Variants in IZUMO2 observed in about 807,000 individuals in gnomAD.
IZUMO2 encodes IZUMO family member 2.
Under a neutral mutation model 31.2 loss-of-function variants are expected in IZUMO2, and 24 were observed. The ratio of observed to expected loss-of-function variants is 0.77; its 90% CI spans 0.56 to 1.08. The LOEUF is 1.08. Ranked by LOEUF, IZUMO2 falls within the 50% of genes least tolerant of loss-of-function variation. IZUMO2 has a pLI of 0.00. For missense variants in IZUMO2, 278 were observed against 274.0 expected (o/e 1.01, Z -0.10); for synonymous variants, 144 against 117.3 (o/e 1.23, Z -1.47).
At chr19:50,162,896 C>A in intron 1 of IZUMO2, 67 bp downstream of exon 1, 2 of 1,605,974 alleles carry the variant, frequency 1.2e-6, no homozygotes, top group Non-Finnish European at 1.7e-6. Flanking sequence ...GGCCCCGACC[C>A]CTCTTGGGGG....
In IZUMO2 at chr19:50,158,373, A is replaced by C. The variant is rs1207965954; in HGVS notation, c.416-25T>G. The C allele has an allele frequency of 2.7e-6, 4 of 1,502,600 alleles. 1 individual carries two copies. The highest frequency in any genetic ancestry group is 3.7e-6 in the Non-Finnish European group (4 of 1,082,252). 93.1% of individuals were successfully genotyped at this position (1,502,600 alleles called of 1,614,324 possible). A position where few individuals can be genotyped will look rare whatever the true frequency, so the allele number is the denominator to read the frequency against. ...CCTAGGCAAGGGGAAAGGGAGAAGT[A>C]AGACAAGGGCAGATATCAGAGGACC... On this transcript the variant is annotated intron_variant, in intron 4 of 6. Transcript: ENST00000293405.
intron 5 of IZUMO2, among the ~76,000 whole-genome samples, chr19:50,157,337 TTGTC>T (rs2030245585): frequency 6.6e-6 from 1 of 150,602 alleles, no homozygotes. Flanking sequence ...GAGTCTCGCA[TTGTC>T]ACCCAAGCTG....
At chr19:50,158,810 G>T (rs545076101) in intron 4 of IZUMO2, among the ~76,000 whole-genome samples, 1 of 152,222 alleles carries the variant, frequency 6.6e-6, no homozygotes, top group Admixed American at 6.5e-5. Flanking sequence ...GTCCCTTCCA[G>T]GCTTGGCTAT....
At chr19:50,157,571 G>A (rs1328189304) in intron 5 of IZUMO2, among the ~76,000 whole-genome samples, 1 of 150,034 alleles carries the variant, frequency 6.7e-6, no homozygotes, top group Non-Finnish European at 1.5e-5. Context: ...CAAAGTGCTG[G>A]GATTACAGGC....
rs770021038 is a variant in IZUMO2, at chr19:50,159,630, A to G, written c.308-50T>C. On this transcript the variant is annotated intron_variant, in intron 2 of 6. Coordinates refer to ENST00000293405, the MANE Select transcript of IZUMO2 (RefSeq NM_152358.3). ...GGGGTGGGAGGCACCCAGAAAGCCC[A>G]CCCCACTACCTGAAGCTTCCAGGAG... 8 of 1,069,376 alleles carry G rather than the reference A, an allele frequency of 7.5e-6. No homozygotes were observed. The Middle Eastern group carries it at 7.3e-4, about 97-fold the overall frequency. 66.2% of individuals were successfully genotyped at this position (1,069,376 alleles called of 1,614,324 possible).
chr19:50,157,502 C>G (rs2030250958), intron 5 of IZUMO2, among the ~76,000 whole-genome samples: 1 of 151,172 alleles, frequency 6.6e-6, no homozygotes, highest in Non-Finnish European at 1.5e-5. Flanking sequence ...CGGGGTTTCA[C>G]TATGTTGGCC....
intron 6 of IZUMO2, among the ~76,000 whole-genome samples, chr19:50,152,987 C>A (rs1381022516): frequency 6.6e-6 from 1 of 152,120 alleles, no homozygotes; most frequent in Non-Finnish European, 1.5e-5. Context: ...GCGTGTCCCC[C>A]ACCCCAAAGA....
At position 50,154,467 on chromosome 19, in the gene IZUMO2, A is replaced by G; in HGVS notation, c.623+133T>C. ...AGAGGGAGGAGAGAGACAGAGAGAA[A>G]AAGAGAGACAGAGACTAAAGTGACT... On this transcript the variant is annotated intron_variant, in intron 6 of 6. Coordinates refer to ENST00000293405, the MANE Select transcript of IZUMO2 (RefSeq NM_152358.3). 12 of 781,278 alleles carry G rather than the reference A, an allele frequency of 1.5e-5. No homozygotes were observed. The South Asian group carries it at 2.2e-4, about 14-fold the overall frequency. The allele number at this position is 781,278 out of a possible 1,614,324, so 48.4% of individuals were successfully genotyped here.
chr19:50,161,559 C>T (rs1484377163), intron 2 of IZUMO2, among the ~76,000 whole-genome samples: 1 of 152,212 alleles, frequency 6.6e-6, no homozygotes, highest in Non-Finnish European at 1.5e-5. Flanking sequence ...ATGTCGCCGT[C>T]TCACTCCACT....
intron 2 of IZUMO2, among the ~76,000 whole-genome samples, chr19:50,161,172 T>C (rs1224125589): frequency 2.0e-5 from 3 of 151,072 alleles, no homozygotes; most frequent in Admixed American, 2.0e-4. Context: ...TTGCCCAGGC[T>C]GGAGTGCAAT....
intron 3 of IZUMO2, 118 bp from the exon 4 acceptor site, chr19:50,159,368 G>A: frequency 7.8e-7 from 1 of 1,279,844 alleles, no homozygotes; most frequent in Non-Finnish European, 1.1e-6. Context: ...AGGGAAGATT[G>A]GGGAGAGATG....
chr19:50,159,530 C>T lies in IZUMO2; in HGVS notation c.358G>A (p.Glu120Lys), dbSNP rs761925935. ...LVTLRANVIKEFKKVLISYEL... is the reference protein window; with the variant it reads ...LVTLRANVIKKFKKVLISYEL... ...TATGAAATTAAAACTTTCTTGAATTCCTTGATCACATTCGCCCTGAGGGTC... is the reference window on the plus strand; with the variant it reads ...TATGAAATTAAAACTTTCTTGAATTTCTTGATCACATTCGCCCTGAGGGTC... Residue 120 changes from glutamate to lysine, a missense_variant, in exon 3 of 7, where the codon GAA (glutamate) becomes AAA (lysine). Physicochemically the swap from Glu to Lys is moderately conservative, Grantham distance 56 (BLOSUM62 1). Transcript: ENST00000293405. 7 of 1,613,170 alleles carry T rather than the reference C, an allele frequency of 4.3e-6. No individual in the cohort carries two copies. In the African/African-American group the frequency reaches 6.7e-5, roughly 15 times the overall value.
intron 4 of IZUMO2, 122 bp downstream of exon 4, chr19:50,159,108 T>G (rs2030308834): frequency 1.1e-6 from 1 of 925,662 alleles, no homozygotes; most frequent in Admixed American, 2.0e-5. Flanking sequence ...CTAGGTACCA[T>G]GGCTTTGGGG....
At chr19:50,154,264 GTTTTTT>G (rs71180675) in intron 6 of IZUMO2, among the ~76,000 whole-genome samples, 6 of 79,282 alleles carry the variant, frequency 7.6e-5, no homozygotes, top group Admixed American at 1.7e-4. Flanking sequence ...AACTTTTAGC[GTTTTTT>G]TTTTTTTTTT....
chr19:50,162,891 C>G, intron 1 of IZUMO2, 72 bp downstream of exon 1: 1 of 1,605,112 alleles, frequency 6.2e-7, no homozygotes, highest in Non-Finnish European at 8.5e-7. Context: ...GGCCTGGCCC[C>G]GACCCCTCTT....
At position 50,155,379 on chromosome 19, in the gene IZUMO2, C is replaced by T. The variant is rs995626258; in HGVS notation, c.497-653G>A. On this transcript the variant is annotated intron_variant, in intron 5 of 6. Coordinates refer to ENST00000293405, the MANE Select transcript of IZUMO2 (RefSeq NM_152358.3). ...TGCCACTGCACCCCAGCCTGGGGGA[C>T]GGAGCAAGACCCTGTCTCAGAAAAC... Among the ~76,000 whole-genome samples the T allele has an allele frequency of 5.3e-5, 8 of 152,130 alleles. No homozygotes were observed. The South Asian group carries it at 1.0e-3, about 20-fold the overall frequency.
intron 5 of IZUMO2, among the ~76,000 whole-genome samples, chr19:50,158,024 T>C (rs2030271894): frequency 3.9e-5 from 6 of 152,156 alleles, no homozygotes; most frequent in Admixed American, 3.9e-4. Context: ...ATAAAATCTT[T>C]TTCTAGCACC....
At chr19:50,154,264 G>GTTT (rs71180675) in intron 6 of IZUMO2, among the ~76,000 whole-genome samples, 152 of 79,244 alleles carry the variant, frequency 1.9e-3, no homozygotes, top group Non-Finnish European at 3.3e-3. Flanking sequence ...AACTTTTAGC[G>GTTT]TTTTTTTTTT....
intron 2 of IZUMO2, chr19:50,159,825 G>A: frequency 2.5e-6 from 1 of 404,278 alleles, no homozygotes. Context: ...TCTGGCAAGT[G>A]GATTTGATCT....
Sources: allele counts gnomAD v4.1 joint callset (sites outside exome capture counted in the v4.1 genomes callset), GRCh38; gene constraint gnomAD v4.1.1; transcripts MANE v1.5; gene names NCBI Gene and HGNC (gene_info 2026-07-23, HGNC 2026-07-21).